Variants in JAK2 observed in about 807,000 individuals in gnomAD.
The protein encoded by JAK2 is Janus kinase 2.
Under a neutral mutation model 139.3 loss-of-function variants are expected in JAK2, and 86 were observed. The observed-to-expected ratio is 0.62, with a 90% confidence interval of 0.52 to 0.74. JAK2 has a LOEUF of 0.74. Among genes scored for constraint, JAK2 ranks in the 30% least tolerant of loss-of-function variants. The probability of loss-of-function intolerance (pLI) is 0.00; values close to 1 mark genes in which losing one functional copy is unlikely to be tolerated. For synonymous variants in JAK2, 490 were observed against 437.7 expected, an observed-to-expected ratio of 1.12 and a Z score of -1.49; for missense variants, 1,421 against 1,360.3, an observed-to-expected ratio of 1.04 and a Z score of -0.70.
intron 5 of JAK2, among the ~76,000 whole-genome samples, chr9:5,045,149 T>A (rs1042651644): frequency 6.6e-6 from 1 of 152,234 alleles, no homozygotes; most frequent in African/African-American, 2.4e-5. Context: ...CTTGTTTTTA[T>A]GTGCTGCTAG....
rs1246964978 is a variant in JAK2, at chr9:5,070,044, T to C, written c.1633T>C (p.Leu545=). Residue 545 remains leucine (L), a synonymous_variant, in exon 12 of 25, where the codon TTG becomes CTG. Coordinates refer to ENST00000381652, the MANE Select transcript of JAK2 (RefSeq NM_004972.4). ...MVFHKIRNED[L]IFNESLGQGT... ...GTTTCACAAAATCAGAAATGAAGATTTGATATTTGTAAGTCATTAGATACT... is the reference window on the plus strand; with the variant it reads ...GTTTCACAAAATCAGAAATGAAGATCTGATATTTGTAAGTCATTAGATACT... 6.2e-7 allele frequency: 1 copy of C among 1,600,944 alleles called. No individual in the cohort carries two copies. Among genetic ancestry groups the C allele is most frequent in the Admixed American group, 1.7e-5 (1 of 58,708 alleles).
chr9:5,019,355 T>C (rs1822268421), intron 2 of JAK2, among the ~76,000 whole-genome samples: 1 of 152,114 alleles, frequency 6.6e-6, no homozygotes, highest in South Asian at 2.1e-4. Flanking sequence ...ATTAAATGAA[T>C]TCTTCAGTTT....
intron 5 of JAK2, among the ~76,000 whole-genome samples, chr9:5,048,691 A>T (rs1247344557): frequency 6.6e-6 from 1 of 152,138 alleles, no homozygotes; most frequent in Non-Finnish European, 1.5e-5. Context: ...TCTTATATGA[A>T]AATATCTTCT....
chr9:5,078,542 G>T lies in JAK2; in HGVS notation c.2131+98G>T, dbSNP rs543788934. The T allele has an allele frequency of 1.1e-5, 9 of 830,338 alleles. No homozygotes were observed. The African/African-American group carries it at 1.6e-4, about 14-fold the overall frequency. 51.4% of individuals were successfully genotyped at this position (830,338 alleles called of 1,614,324 possible). A position where few individuals can be genotyped will look rare whatever the true frequency, so the allele number is the denominator to read the frequency against. ...ATTTTCCTTGAATTCCATTTAATTT[G>T]TATGTTCCTGATTAATAATAAAATT... On this transcript the variant is annotated intron_variant, in intron 16 of 24. Transcript: ENST00000381652.
At chr9:5,078,180 A>G in intron 15 of JAK2, 126 bp from the exon 16 acceptor site, 1 of 706,104 alleles carries the variant, frequency 1.4e-6, no homozygotes, top group South Asian at 2.5e-5. Context: ...TTCTCAATGC[A>G]TGCCTCCAAA....
At chr9:5,017,309 C>G (rs1294409175) in intron 2 of JAK2, among the ~76,000 whole-genome samples, 3 of 151,984 alleles carry the variant, frequency 2.0e-5, no homozygotes, top group Admixed American at 2.0e-4. Context: ...AAGGAAGACC[C>G]AAAACAATGA....
At chr9:5,043,632 A>AAACTTGTAC (rs1449877509) in intron 4 of JAK2, among the ~76,000 whole-genome samples, 1 of 152,240 alleles carries the variant, frequency 6.6e-6, no homozygotes, top group Non-Finnish European at 1.5e-5. Context: ...ATATCCACAA[A>AAACTTGTAC]AACTTGTACA....
chr9:5,056,217 C>G (rs1401292379), intron 8 of JAK2, among the ~76,000 whole-genome samples: 1 of 152,030 alleles, frequency 6.6e-6, no homozygotes, highest in Non-Finnish European at 1.5e-5. Flanking sequence ...AAATCAATCC[C>G]AGGTCAGCCC....
chr9:5,028,537 T>C (rs1038844140), intron 3 of JAK2, among the ~76,000 whole-genome samples: 7 of 152,220 alleles, frequency 4.6e-5, no homozygotes, highest in Non-Finnish European at 1.0e-4. Flanking sequence ...CTTTGAAACT[T>C]TGAAGGCAAG....
chr9:4,998,862 C>A (rs1482774671), intron 2 of JAK2, among the ~76,000 whole-genome samples: 1 of 151,760 alleles, frequency 6.6e-6, no homozygotes, highest in African/African-American at 2.4e-5. Context: ...ATGGAGTCTC[C>A]CTCTGTCACC....
intron 2 of JAK2, among the ~76,000 whole-genome samples, chr9:5,011,963 C>G (rs1363273170): frequency 2.6e-5 from 4 of 152,232 alleles, no homozygotes; most frequent in Non-Finnish European, 5.9e-5. Context: ...AATCCTGACT[C>G]TCCAGGACCA....
chr9:5,082,429 C>A (rs1480141845), intron 19 of JAK2, among the ~76,000 whole-genome samples: 2 of 152,208 alleles, frequency 1.3e-5, no homozygotes, highest in African/African-American at 4.8e-5. Flanking sequence ...GCATTGCTGC[C>A]AACATGTCTC....
chr9:5,007,496 A>G (rs1387682194), intron 2 of JAK2, among the ~76,000 whole-genome samples: 1 of 152,046 alleles, frequency 6.6e-6, no homozygotes, highest in African/African-American at 2.4e-5. Flanking sequence ...AGAACTTCAC[A>G]TTTTTCAATG....
intron 4 of JAK2, among the ~76,000 whole-genome samples, chr9:5,043,045 C>A (rs552567492): frequency 3.3e-5 from 5 of 152,306 alleles, no homozygotes; most frequent in African/African-American, 1.2e-4. Context: ...TGTGGAGGCG[C>A]GCGGGCTCGT....
At position 5,069,965 on chromosome 9, in the gene JAK2, T is replaced by C; in HGVS notation, c.1554T>C (p.Ser518=). ...NLLVFRTNGV[S]DVPTSPTLQR... ...TAGTCTTCAGAACGAATGGTGTTTC[T>C]GATGTACCAACCTCACCAACATTAC... The change falls in exon 12 of 25, where the codon TCT becomes TCC. Residue 518 remains serine, a synonymous_variant. Transcript: ENST00000381652. 6.2e-7 allele frequency: 1 copy of C among 1,607,378 alleles called. No individual in the cohort carries two copies. Among genetic ancestry groups the C allele is most frequent in the African/African-American group, 1.3e-5 (1 of 74,910 alleles).
intron 13 of JAK2, among the ~76,000 whole-genome samples, chr9:5,073,281 C>G (rs529304083): frequency 6.6e-5 from 10 of 152,336 alleles, no homozygotes; most frequent in African/African-American, 2.4e-4. Context: ...TATCCTGACA[C>G]AGATGTCGTG....
intron 22 of JAK2, among the ~76,000 whole-genome samples, chr9:5,116,227 G>C: frequency 6.6e-6 from 1 of 152,290 alleles, no homozygotes; most frequent in East Asian, 1.9e-4. Flanking sequence ...GGCATGACTA[G>C]TAAATCACTG....
intron 3 of JAK2, among the ~76,000 whole-genome samples, chr9:5,027,246 A>G (rs1216687921): frequency 1.3e-5 from 2 of 152,242 alleles, no homozygotes; most frequent in African/African-American, 2.4e-5. Flanking sequence ...AGACTATCGC[A>G]GTGAAGCAAA....
At chr9:5,038,641 G>A (rs1022331636) in intron 4 of JAK2, among the ~76,000 whole-genome samples, 2 of 149,870 alleles carry the variant, frequency 1.3e-5, no homozygotes, top group Non-Finnish European at 3.0e-5. Context: ...CAGAGTATAC[G>A]CTGGTTGAAC....
Sources: allele counts gnomAD v4.1 joint callset (sites outside exome capture counted in the v4.1 genomes callset), GRCh38; gene constraint gnomAD v4.1.1; transcripts MANE v1.5; gene names NCBI Gene and HGNC (gene_info 2026-07-23, HGNC 2026-07-21).